CDH4: variants seen among roughly 807,000 people sequenced by gnomAD.
The protein encoded by CDH4 is cadherin 4.
In CDH4, 33 loss-of-function variants were observed where a neutral mutation model predicts 86.0. The observed-to-expected ratio is 0.38, with a 90% CI of 0.29 to 0.51. The LOEUF is 0.51. Among genes scored for constraint, CDH4 ranks in the 20% least tolerant of loss-of-function variants. The pLI is 0.86. For missense variants in CDH4, 1,114 were observed against 1,307.4 expected, an observed-to-expected ratio of 0.85 and a Z score of 2.28; for synonymous variants, 555 against 549.4, an observed-to-expected ratio of 1.01 and a Z score of -0.14.
intron 8 of CDH4, among the ~76,000 whole-genome samples, chr20:61,905,970 C>T (rs755866252): frequency 9.2e-5 from 14 of 152,156 alleles, no homozygotes; most frequent in East Asian, 7.7e-4. Flanking sequence ...CTCACCATGA[C>T]GCTCCCCTGG....
intron 2 of CDH4, among the ~76,000 whole-genome samples, chr20:61,687,139 A>G (rs1485909442): frequency 6.6e-6 from 1 of 152,170 alleles, no homozygotes; most frequent in African/African-American, 2.4e-5. Flanking sequence ...GCAACACTGA[A>G]GTGCGTGTTC....
intron 2 of CDH4, among the ~76,000 whole-genome samples, chr20:61,567,870 G>A (rs748749929): frequency 2.6e-4 from 39 of 152,268 alleles, no homozygotes; most frequent in Non-Finnish European, 4.6e-4. Flanking sequence ...CTGCTTGGGA[G>A]CCTGAGGAAG....
At chr20:61,874,427 G>T (rs910016935) in intron 7 of CDH4, among the ~76,000 whole-genome samples, 5 of 152,156 alleles carry the variant, frequency 3.3e-5, no homozygotes, top group Admixed American at 6.5e-5. Flanking sequence ...GGTTCCATGC[G>T]CTCCCACCTC....
At chr20:61,883,940 C>T (rs561948862) in intron 7 of CDH4, among the ~76,000 whole-genome samples, 24 of 152,198 alleles carry the variant, frequency 1.6e-4, no homozygotes, top group Non-Finnish European at 2.4e-4. Flanking sequence ...ATCCCCACCC[C>T]CCAACCCCCG....
rs573361527 is a variant in CDH4 at position 61,544,840 on chromosome 20, T to C, written c.170-198723T>C. Among the ~76,000 whole-genome samples the C allele has an allele frequency of 1.8e-4, 28 of 152,170 alleles. No homozygotes were observed. Among genetic ancestry groups the C allele is most frequent in the African/African-American group, 6.7e-4 (28 of 41,528 alleles). ...GAACCTTGTTCCTCGGTTATAAAACTTGAGCTTTTAATTGAGGGGAGGGGG... is the reference window on the plus strand; with the variant it reads ...GAACCTTGTTCCTCGGTTATAAAACCTGAGCTTTTAATTGAGGGGAGGGGG... On this transcript the variant is annotated intron_variant, in intron 2 of 15. Transcript: ENST00000614565. The surrounding 1 kb of genome is among the most constrained non-coding windows in gnomAD (Gnocchi z 6.5).
chr20:61,700,866 C>A (rs1195765404), intron 2 of CDH4, among the ~76,000 whole-genome samples: 1 of 152,226 alleles, frequency 6.6e-6, no homozygotes, highest in East Asian at 1.9e-4. Context: ...AGTGCCTGAT[C>A]TTGACAGCGG....
At chr20:61,631,269 G>A (rs894402636) in intron 2 of CDH4, among the ~76,000 whole-genome samples, 5 of 152,186 alleles carry the variant, frequency 3.3e-5, no homozygotes, top group East Asian at 1.9e-4. Flanking sequence ...TGCTGGGGAC[G>A]CAGAGCTGTC....
chr20:61,807,520 C>T lies in CDH4; in HGVS notation c.576+34338C>T, dbSNP rs1186159294. ...CTCCTCCCGGCTGGGAAGTTGCAGCCCTTTCTCCCCGTCAAGGTGCAGCTG... is the reference window on the plus strand; with the variant it reads ...CTCCTCCCGGCTGGGAAGTTGCAGCTCTTTCTCCCCGTCAAGGTGCAGCTG... On this transcript the variant is annotated intron_variant, in intron 4 of 15. Transcript: ENST00000614565. This position sits in a 1 kb window ranked among gnomAD's most constrained non-coding sequence, Gnocchi z 4.5. 6.6e-6 allele frequency among the ~76,000 whole-genome samples: 1 copy of T among 152,194 alleles called. No individual in the cohort carries two copies. The highest frequency in any genetic ancestry group is 1.5e-5 in the Non-Finnish European group (1 of 68,026).
At chr20:61,342,659 C>T (rs561216735) in intron 2 of CDH4, among the ~76,000 whole-genome samples, 1 of 152,302 alleles carries the variant, frequency 6.6e-6, no homozygotes, top group African/African-American at 2.4e-5. Flanking sequence ...CAGTCCAGTC[C>T]CGGGGGTTGG....
chr20:61,934,473 C>T (rs888975967), intron 15 of CDH4, among the ~76,000 whole-genome samples: 2 of 152,092 alleles, frequency 1.3e-5, no homozygotes, highest in East Asian at 1.9e-4. Context: ...CACACAGGGC[C>T]GGGTGCACAG....
At chr20:61,462,166 G>T (rs1282068454) in intron 2 of CDH4, among the ~76,000 whole-genome samples, 2 of 152,186 alleles carry the variant, frequency 1.3e-5, no homozygotes, top group African/African-American at 2.4e-5. Flanking sequence ...TGGTAAGAAG[G>T]GTATTTGAAC....
chr20:61,353,934 G>A (rs2084731275), intron 2 of CDH4, among the ~76,000 whole-genome samples: 2 of 151,952 alleles, frequency 1.3e-5, no homozygotes, highest in South Asian at 4.2e-4. Flanking sequence ...CCTGCTTTGT[G>A]CTGAAAGGAC....
rs1482615625 is a variant in CDH4, at chr20:61,633,235, ATCCATCTATC to A, written c.170-110327_170-110318del. 1.0e-3 allele frequency among the ~76,000 whole-genome samples: 148 copies of A among 144,720 alleles called. 1 individual carries two copies. Among genetic ancestry groups the A allele is most frequent in the African/African-American group, 3.8e-3 (135 of 35,704 alleles). 94.9% of individuals were successfully genotyped at this position (144,720 alleles called of 152,430 possible). Reference sequence around the variant, plus strand: ...CATCTCTTCATTCATTCATTCATCCATCCATCTATCCATCTATTTATTCATCTGTCCATCT... The same window carrying A: ...CATCTCTTCATTCATTCATTCATCCACATCTATTTATTCATCTGTCCATCT... On this transcript the variant is annotated intron_variant, in intron 2 of 15. Transcript: ENST00000614565.
chr20:61,683,827 T>C (rs1600870804), intron 2 of CDH4, among the ~76,000 whole-genome samples: 1 of 152,344 alleles, frequency 6.6e-6, no homozygotes, highest in East Asian at 1.9e-4. Context: ...TCATTGTCTG[T>C]TCTTGTACAA....
intron 9 of CDH4, among the ~76,000 whole-genome samples, chr20:61,922,294 A>C (rs75913804): frequency 6.6e-6 from 1 of 152,196 alleles, no homozygotes; most frequent in Admixed American, 6.5e-5. Flanking sequence ...TCAGGGCCCC[A>C]AGCTTTTTCC....
At position 61,464,969 on chromosome 20, in the gene CDH4, G is replaced by C. The variant is rs117775900; in HGVS notation, c.169+210032G>C. Among the ~76,000 whole-genome samples the C allele has an allele frequency of 1.5e-4, 23 of 152,358 alleles. No homozygotes were observed. The East Asian group carries it at 4.2e-3, about 28-fold the overall frequency. ...TCCCTGTTTAATAAGCTAAAAGTCT[G>C]AAAATGCCAAATTTGGATCTTTTAT... On this transcript the variant is annotated intron_variant, in intron 2 of 15. Coordinates refer to ENST00000614565, the MANE Select transcript of CDH4 (RefSeq NM_001794.5).
At chr20:61,915,911 C>T (rs958296126) in intron 9 of CDH4, among the ~76,000 whole-genome samples, 6 of 152,156 alleles carry the variant, frequency 3.9e-5, no homozygotes, top group African/African-American at 1.2e-4. Flanking sequence ...GAGCTGAGAG[C>T]ACAGACTTGC....
intron 4 of CDH4, among the ~76,000 whole-genome samples, chr20:61,812,656 A>G (rs73307819): frequency 0.02 from 2,995 of 152,248 alleles, 92 homozygotes; most frequent in African/African-American, 0.065. Flanking sequence ...ACAGATATTA[A>G]CTGCAGTTAT....
At position 61,703,298 on chromosome 20, in the gene CDH4, T is replaced by TAA. The variant is rs2087795620; in HGVS notation, c.170-40265_170-40264insAA. On this transcript the variant is annotated intron_variant, in intron 2 of 15. Transcript: ENST00000614565. This position sits in a 1 kb window ranked among gnomAD's most constrained non-coding sequence, Gnocchi z 4.3. ...CAGAGACCTGAGCATCATGAGGCAT[T>TAA]CATCCTAGTTTAAGGAGACGGGCAG... is the stretch of plus-strand genomic sequence containing the variant. Among the ~76,000 whole-genome samples the TAA allele has an allele frequency of 6.6e-6, 1 of 152,094 alleles. No homozygotes were observed. The highest frequency in any genetic ancestry group is 1.5e-5 in the Non-Finnish European group (1 of 68,006).
Sources: allele counts gnomAD v4.1 joint callset (sites outside exome capture counted in the v4.1 genomes callset), GRCh38; gene constraint gnomAD v4.1.1; non-coding constraint Gnocchi (gnomAD v3.1); transcripts MANE v1.5; gene names NCBI Gene and HGNC (gene_info 2026-07-23, HGNC 2026-07-21).